Variants in TRPM4 observed in about 807,000 individuals in gnomAD.
TRPM4 encodes the protein calcium-activated non-selective cation channel 1.
A neutral mutation model predicts 135.6 loss-of-function variants in TRPM4; 124 were observed. That is an observed-to-expected ratio of 0.91 (90% confidence interval 0.79 to 1.06). The LOEUF (loss-of-function observed/expected upper bound fraction) is 1.06, where lower values mean the gene tolerates loss of function less well. Among genes scored for constraint, TRPM4 ranks in the 50% least tolerant of loss-of-function variants. The probability of loss-of-function intolerance (pLI) is 0.00; values close to 1 mark genes in which losing one functional copy is unlikely to be tolerated. For missense variants in TRPM4, 1,658 were observed against 1,671.4 expected, an observed-to-expected ratio of 0.99 and a Z score of 0.14; for synonymous variants, 745 against 705.6, an observed-to-expected ratio of 1.06 and a Z score of -0.88.
At position 49,211,390 on chromosome 19, in the gene TRPM4, T is replaced by G. The variant is rs1192266743; in HGVS notation, c.3641-104T>G. The G allele has an allele frequency of 3.8e-6, 6 of 1,598,202 alleles. No homozygotes were observed. The highest frequency in any genetic ancestry group is 5.1e-6 in the Non-Finnish European group (6 of 1,169,324). ...CTCTCTTGGTCTCCTTTGAGCCTTT[T>G]GTACTCTCGCCTTCGTCTTTCTTCT... On this transcript the variant is annotated intron_variant, in intron 24 of 24. Coordinates refer to ENST00000252826, the MANE Select transcript of TRPM4 (RefSeq NM_017636.4). The surrounding 1 kb of genome is among the most constrained non-coding windows in gnomAD (Gnocchi z 4.8).
At chr19:49,187,159 C>T (rs896472591) in intron 12 of TRPM4, among the ~76,000 whole-genome samples, 1 of 150,886 alleles carries the variant, frequency 6.6e-6, no homozygotes, top group East Asian at 1.9e-4. Context: ...TACCCTCTTA[C>T]TGAAATTTAG....
intron 2 of TRPM4, among the ~76,000 whole-genome samples, chr19:49,160,933 G>A (rs575645216): frequency 2.0e-3 from 298 of 152,046 alleles, no homozygotes; most frequent in African/African-American, 6.5e-3. Context: ...GAGAGAGGGG[G>A]TGCCGCCATC....
At position 49,171,150 on chromosome 19, in the gene TRPM4, C is replaced by T. The variant is rs375676793; in HGVS notation, c.797-207C>T. On this transcript the variant is annotated intron_variant, in intron 6 of 24. Transcript: ENST00000252826. The surrounding 1 kb of genome is among the most constrained non-coding windows in gnomAD (Gnocchi z 4.7). ...GGAGGATTGCTTGAGGCCAGGAGTT[C>T]GAGACCACCCTGGCCAACATAGCAA... Among the ~76,000 whole-genome samples the T allele has an allele frequency of 2.0e-5, 3 of 152,076 alleles. No individual in the cohort carries two copies. Among genetic ancestry groups the T allele is most frequent in the Non-Finnish European group, 4.4e-5 (3 of 68,010 alleles).
chr19:49,187,747 GA>G (rs1356983229), intron 12 of TRPM4, among the ~76,000 whole-genome samples: 1 of 152,122 alleles, frequency 6.6e-6, no homozygotes, highest in Non-Finnish European at 1.5e-5. Context: ...CAGTCTCCTC[GA>G]GGATTCAGGG....
chr19:49,181,566 C>CT (rs1159441182), intron 10 of TRPM4, 105 bp downstream of exon 10: 2 of 779,130 alleles, frequency 2.6e-6, no homozygotes, highest in Non-Finnish European at 4.0e-6. Flanking sequence ...GAGTCTCACT[C>CT]TGTCACCCAG....
Position 49,190,215 on chromosome 19 carries a change from T to C in TRPM4, c.2027T>C (p.Leu676Pro). ...CCTTCCCACCCCCCACAGTCTCTGCTGACACAGAAGTGGTGGGGAGATATG... is the reference window on the plus strand; with the variant it reads ...CCTTCCCACCCCCCACAGTCTCTGCCGACACAGAAGTGGTGGGGAGATATG... ...FFAQDGVQSL[L>P]TQKWWGDMAS... Residue 676 changes from leucine (L) to proline (P), a missense_variant, in exon 15 of 25, where the codon CTG becomes CCG. Physicochemically the swap from Leu to Pro is moderately conservative, Grantham distance 98. Transcript: ENST00000252826. 8.1e-6 allele frequency: 13 copies of C among 1,613,820 alleles called. No individual in the cohort carries two copies. The highest frequency in any genetic ancestry group is 1.1e-5 in the Non-Finnish European group (13 of 1,179,718).
At chr19:49,183,824 A>C (rs2122947718) in intron 12 of TRPM4, among the ~76,000 whole-genome samples, 1 of 143,060 alleles carries the variant, frequency 7.0e-6, no homozygotes, top group South Asian at 2.2e-4. Context: ...CCCAGGCTGG[A>C]GTGCAGTGGC....
Position 49,180,436 on chromosome 19 carries a change from G to A in TRPM4, c.1151-913G>A, listed in dbSNP as rs1181040833. Among the ~76,000 whole-genome samples the A allele has an allele frequency of 4.3e-5, 5 of 116,544 alleles. No individual in the cohort carries two copies. In the South Asian group the frequency reaches 1.2e-3, roughly 29 times the overall value. The allele number at this position is 116,544 out of a possible 152,430, so 76.5% of individuals were successfully genotyped here. ...ACGTTTGTCATCATCTGCTGTGTGT[G>A]TGTGTGTGTGTGTGTGTGTGTGTGT... On this transcript the variant is annotated intron_variant, in intron 9 of 24. Coordinates refer to ENST00000252826, the MANE Select transcript of TRPM4 (RefSeq NM_017636.4).
intron 19 of TRPM4, 71 bp downstream of exon 19, chr19:49,200,856 G>T: frequency 6.5e-7 from 1 of 1,529,874 alleles, no homozygotes; most frequent in South Asian, 1.2e-5. Flanking sequence ...CTGTCCTCCT[G>T]GCTCTAAGAA....
At position 49,171,478 on chromosome 19, in the gene TRPM4, G is replaced by T; in HGVS notation, c.858+60G>T. On this transcript the variant is annotated intron_variant, in intron 7 of 24. Transcript: ENST00000252826. This position sits in a 1 kb window ranked among gnomAD's most constrained non-coding sequence, Gnocchi z 4.7. ...AGGAGGGTTGGGGGCCAGGACTCCT[G>T]GGTCCTGAGTCTTAGGGAGGGTCTG... 6.2e-7 allele frequency: 1 copy of T among 1,611,812 alleles called. No homozygotes were observed. The highest frequency in any genetic ancestry group is 1.3e-5 in the African/African-American group (1 of 74,882).
rs182620638 is a variant in TRPM4, at chr19:49,165,266, C to T, written c.93-775C>T. Among the ~76,000 whole-genome samples, 510 of 152,274 alleles carry T rather than the reference C, an allele frequency of 3.3e-3. 3 individuals carry two copies. The highest frequency in any genetic ancestry group is 4.8e-3 in the Non-Finnish European group (326 of 68,022). ...AAGCAAACAAAGGTGTTTCCCTACT[C>T]GCTAGATGGCTGTTGCCAGCTCCAT... On this transcript the variant is annotated intron_variant, in intron 2 of 24. Coordinates refer to ENST00000252826, the MANE Select transcript of TRPM4 (RefSeq NM_017636.4).
intron 12 of TRPM4, among the ~76,000 whole-genome samples, chr19:49,187,199 T>G (rs1281476077): frequency 1.4e-5 from 2 of 148,030 alleles, no homozygotes; most frequent in Non-Finnish European, 2.9e-5. Context: ...TTTCTTGTTT[T>G]TTTTTTTTTA....
Position 49,210,806 on chromosome 19 carries a change from A to G in TRPM4, c.3425A>G (p.Glu1142Gly). 6.2e-7 allele frequency: 1 copy of G among 1,613,644 alleles called. No homozygotes were observed. Among genetic ancestry groups the G allele is most frequent in the South Asian group, 1.1e-5 (1 of 90,920 alleles). Reference sequence around the variant, plus strand: ...CTGGCACGCGCTAGGGACAAGCGGGAGAGCGACTCCGAGCGTCTGAAGCGC... The same window carrying G: ...CTGGCACGCGCTAGGGACAAGCGGGGGAGCGACTCCGAGCGTCTGAAGCGC... Reference protein sequence around the residue: ...FLLARARDKRESDSERLKRTS... With the variant: ...FLLARARDKRGSDSERLKRTS... Residue 1142 changes from glutamate (E) to glycine (G), a missense_variant, in exon 22 of 25, where the codon GAG becomes GGG. Glu to Gly is a moderately conservative substitution (Grantham distance 98). Transcript: ENST00000252826. The surrounding 1 kb of genome is among the most constrained non-coding windows in gnomAD (Gnocchi z 4.1).
At position 49,200,733 on chromosome 19, in the gene TRPM4, C is replaced by A. The variant is rs1968896713; in HGVS notation, c.2901C>A (p.Phe967Leu). 1 of 1,614,134 alleles carries A rather than the reference C, an allele frequency of 6.2e-7. No individual in the cohort carries two copies. Among genetic ancestry groups the A allele is most frequent in the Non-Finnish European group, 8.5e-7 (1 of 1,180,022 alleles). ...TCCCAAGTATCCTGCGCCGCGTCTT[C>A]TACCGTCCCTACCTGCAGATCTTCG... ...SDFPSILRRV[F>L]YRPYLQIFGQ... The change falls in exon 19 of 25, where the codon TTC becomes TTA. Residue 967 changes from phenylalanine to leucine, a missense_variant. By Grantham distance (22) the Phe-to-Leu change is conservative. Transcript: ENST00000252826.
intron 2 of TRPM4, among the ~76,000 whole-genome samples, chr19:49,163,271 T>A (rs1967038693): frequency 6.6e-6 from 1 of 150,380 alleles, no homozygotes; most frequent in Non-Finnish European, 1.5e-5. Context: ...TCTCTGCTCA[T>A]CACAACCTCC....
At chr19:49,160,312 C>G (rs996380638) in intron 2 of TRPM4, among the ~76,000 whole-genome samples, 26 of 152,042 alleles carry the variant, frequency 1.7e-4, no homozygotes, top group Admixed American at 6.6e-4. Context: ...TAACATGGTG[C>G]AACCCTATCT....
In TRPM4 at chr19:49,200,789, G is replaced by A; in HGVS notation, c.2953+4G>A. On this transcript the variant is annotated splice_donor_region_variant and intron_variant, in intron 19 of 24. Transcript: ENST00000252826. ...ATTCCCCAGGAGGACATGGACGGTA[G>A]GGGGGATGACGGCCTGACAGCCTTC... The A allele has an allele frequency of 1.2e-6, 2 of 1,613,638 alleles. No homozygotes were observed. The highest frequency in any genetic ancestry group is 1.7e-6 in the Non-Finnish European group (2 of 1,179,926).
intron 16 of TRPM4, among the ~76,000 whole-genome samples, chr19:49,191,318 C>T (rs191531807): frequency 6.6e-6 from 1 of 151,442 alleles, no homozygotes; most frequent in East Asian, 2.0e-4. Flanking sequence ...ATCAGCCTGC[C>T]TCAGCCTCCC....
At chr19:49,206,386 A>G (rs1158254934) in intron 20 of TRPM4, among the ~76,000 whole-genome samples, 1 of 151,376 alleles carries the variant, frequency 6.6e-6, no homozygotes, top group Non-Finnish European at 1.5e-5. Context: ...CTTAAAGATC[A>G]GAGTTTCCAT....
Sources: gnomAD v4.1 joint callset for allele counts (sites outside exome capture counted in the v4.1 genomes callset) on GRCh38, gnomAD v4.1.1 for gene constraint, Gnocchi (gnomAD v3.1) non-coding constraint, MANE v1.5 for transcripts, NCBI Gene and HGNC (gene_info 2026-07-23, HGNC 2026-07-21) for gene names.